ARAP2: variants seen among roughly 807,000 people sequenced by gnomAD.
ARAP2 encodes ArfGAP with RhoGAP domain, ankyrin repeat and PH domain 2.
ARAP2 carries 148 observed loss-of-function variants against 194.5 expected under a neutral mutation model. The ratio of observed to expected loss-of-function variants is 0.76; its 90% CI spans 0.67 to 0.87. The LOEUF (loss-of-function observed/expected upper bound fraction) is 0.87, where lower values mean the gene tolerates loss of function less well. ARAP2 is among the 40% of genes least tolerant of loss of function. The probability of loss-of-function intolerance (pLI) is 0.00; values close to 1 mark genes in which losing one functional copy is unlikely to be tolerated. For missense variants in ARAP2, 2,128 were observed against 1,989.7 expected (o/e 1.07, Z -1.32); for synonymous variants, 695 against 683.5 (o/e 1.02, Z -0.26).
At chr4:36,244,521 C>G (rs1342540561), upstream of ARAP2, 1 of 151,362 alleles carries the variant, frequency 6.6e-6, no homozygotes, top group Non-Finnish European at 1.5e-5. Flanking sequence ...CCTCTCCGCC[C>G]GCGGGGGCGG....
At chr4:36,081,091 A>G (rs1729423748) in intron 30 of ARAP2, among the ~76,000 whole-genome samples, 2 of 152,176 alleles carry the variant, frequency 1.3e-5, no homozygotes, top group African/African-American at 4.8e-5. Flanking sequence ...AAATTTCTAA[A>G]AAATCTGTGT....
chr4:36,212,572 C>T, intron 4 of ARAP2, 85 bp from the exon 5 acceptor site: 1 of 808,274 alleles, frequency 1.2e-6, no homozygotes, highest in Non-Finnish European at 2.0e-6. Flanking sequence ...CAATATTCTA[C>T]AAAAATCCAT....
chr4:36,080,277 T>C lies in ARAP2; in HGVS notation c.4547A>G (p.His1516Arg). ...AGTTCGTGAACTATCACAACACAGG[T>C]GCCTGCAAAACGAGGTTTATAAACT... ...LTAYSEKHHW[H>R]LCCDSSRTQT... The change falls in exon 31 of 33, where the codon CAC becomes CGC. Residue 1516 changes from histidine (H) to arginine (R), a missense_variant and splice_region_variant. Physicochemically the swap from His to Arg is conservative, Grantham distance 29 (BLOSUM62 0). Coordinates refer to ENST00000303965, the MANE Select transcript of ARAP2 (RefSeq NM_015230.4). 6.2e-7 allele frequency: 1 copy of C among 1,612,434 alleles called. No individual in the cohort carries two copies. Among genetic ancestry groups the C allele is most frequent in the African/African-American group, 1.3e-5 (1 of 74,976 alleles).
chr4:36,043,010 T>C lies in ARAP2; in HGVS notation n.607+2969A>G, dbSNP rs577532544. On this transcript the variant is annotated intron_variant and non_coding_transcript_variant, in intron 5 of 12. Transcript: ENST00000503225. The stretch of plus-strand genomic sequence containing the variant: ...GGTGCCCACTACCATGCCTGACTAA[T>C]TTTTGTATTTTTAGTAGAGACAAGG... Among the ~76,000 whole-genome samples the C allele has an allele frequency of 9.2e-5, 14 of 152,236 alleles. No homozygotes were observed. The South Asian group carries it at 2.9e-3, about 32-fold the overall frequency.
chr4:36,068,529 C>A (rs1726049389), intron 32 of ARAP2, among the ~76,000 whole-genome samples: 1 of 152,166 alleles, frequency 6.6e-6, no homozygotes, highest in Non-Finnish European at 1.5e-5. Flanking sequence ...TGGTGAAAAA[C>A]AAATATGCAT....
At chr4:36,203,538 C>T (rs912932948) in intron 6 of ARAP2, among the ~76,000 whole-genome samples, 4 of 152,024 alleles carry the variant, frequency 2.6e-5, no homozygotes, top group African/African-American at 7.2e-5. Context: ...GAGCCAAGAT[C>T]GTGCCACTGC....
At chr4:36,020,180 G>A (rs1716663590) in intron 5 of ARAP2, among the ~76,000 whole-genome samples, 1 of 152,202 alleles carries the variant, frequency 6.6e-6, no homozygotes, top group Non-Finnish European at 1.5e-5. Flanking sequence ...GGAGGCCAAG[G>A]CGGGCAGATC....
chr4:36,137,392 TA>T (rs565827134), intron 19 of ARAP2, among the ~76,000 whole-genome samples: 33 of 152,018 alleles, frequency 2.2e-4, no homozygotes, highest in African/African-American at 7.0e-4. Context: ...AGAGAATGCA[TA>T]ATCGCACATA....
intron 15 of ARAP2, among the ~76,000 whole-genome samples, chr4:36,157,755 T>C (rs975077579): frequency 3.9e-5 from 6 of 152,166 alleles, no homozygotes; most frequent in Non-Finnish European, 7.4e-5. Context: ...GAAAATCTAA[T>C]AATGCATAGT....
chr4:36,185,146 T>C (rs1435031466), intron 8 of ARAP2, among the ~76,000 whole-genome samples: 1 of 152,170 alleles, frequency 6.6e-6, no homozygotes, highest in Non-Finnish European at 1.5e-5. Flanking sequence ...ATGACAATGG[T>C]TGTTATCTAA....
At chr4:36,240,598 A>G (rs1753320930) in intron 1 of ARAP2, among the ~76,000 whole-genome samples, 1 of 152,150 alleles carries the variant, frequency 6.6e-6, no homozygotes, top group South Asian at 2.1e-4. Flanking sequence ...TGCCTACCTC[A>G]CGGGGATATT....
rs536197706 is a variant in ARAP2 at position 36,231,230 on chromosome 4, G to A, written c.-159-1585C>T. Among the ~76,000 whole-genome samples, 523 of 152,282 alleles carry A rather than the reference G, an allele frequency of 3.4e-3. 1 individual carries two copies. The highest frequency in any genetic ancestry group is 6.9e-3 in the Admixed American group (106 of 15,296). ...GCGTGCCTGTAATCCCAGCTACTCGGGAGGCTGAGGCAGGAGAATAGCTTG... is the reference window on the plus strand; with the variant it reads ...GCGTGCCTGTAATCCCAGCTACTCGAGAGGCTGAGGCAGGAGAATAGCTTG... On this transcript the variant is annotated intron_variant, in intron 1 of 32. Coordinates refer to ENST00000303965, the MANE Select transcript of ARAP2 (RefSeq NM_015230.4).
intron 5 of ARAP2, among the ~76,000 whole-genome samples, chr4:36,042,983 C>T (rs1291920719): frequency 6.6e-6 from 1 of 152,072 alleles, no homozygotes; most frequent in Non-Finnish European, 1.5e-5. Context: ...ACTGGGATTA[C>T]AGGTGCCCAC....
intron 28 of ARAP2, among the ~76,000 whole-genome samples, chr4:36,086,819 C>T (rs1711990264): frequency 6.6e-6 from 1 of 152,060 alleles, no homozygotes; most frequent in Non-Finnish European, 1.5e-5. Flanking sequence ...TTCTTCACAC[C>T]ATTAACAGTA....
chr4:36,241,860 A>C (rs1753581189), intron 1 of ARAP2, among the ~76,000 whole-genome samples: 1 of 152,160 alleles, frequency 6.6e-6, no homozygotes. Flanking sequence ...AAAAAATCTC[A>C]AATCTGCCAC....
At chr4:36,012,242 A>T (rs536165489) in intron 9 of ARAP2, among the ~76,000 whole-genome samples, 1 of 152,302 alleles carries the variant, frequency 6.6e-6, no homozygotes, top group East Asian at 1.9e-4. Flanking sequence ...TGTTAGTCTC[A>T]TGACTTTAAA....
chr4:36,099,419 A>G (rs1373899770), intron 27 of ARAP2, among the ~76,000 whole-genome samples: 3 of 152,080 alleles, frequency 2.0e-5, no homozygotes, highest in Non-Finnish European at 4.4e-5. Context: ...GGTTGACCTG[A>G]CTACAAGAAA....
chr4:36,041,728 G>A (rs1720898480), intron 5 of ARAP2, among the ~76,000 whole-genome samples: 1 of 152,158 alleles, frequency 6.6e-6, no homozygotes, highest in African/African-American at 2.4e-5. Context: ...GCATGTGAAT[G>A]TTCATTGCAT....
chr4:36,209,383 A>C (rs1004693275), intron 6 of ARAP2: 2 of 454,396 alleles, frequency 4.4e-6, no homozygotes, highest in African/African-American at 4.0e-5. Flanking sequence ...AGTAAGAAGT[A>C]ATCTGCTTTG....
Sources: gnomAD v4.1 joint callset for allele counts (sites outside exome capture counted in the v4.1 genomes callset) on GRCh38, gnomAD v4.1.1 for gene constraint, MANE v1.5 for transcripts, NCBI Gene and HGNC (gene_info 2026-07-23, HGNC 2026-07-21) for gene names.